Variants in IMMP1L observed in about 807,000 individuals in gnomAD.
IMMP1L encodes the protein mitochondrial inner membrane protease subunit 1.
A neutral mutation model predicts 21.8 loss-of-function variants in IMMP1L; 24 were observed. That is an observed-to-expected ratio of 1.10 (90% confidence interval 0.80 to 1.55). The LOEUF (loss-of-function observed/expected upper bound fraction) is 1.55, where lower values mean the gene tolerates loss of function less well. Ranked by LOEUF, IMMP1L falls within the 40% of genes most tolerant of loss-of-function variation. The pLI is 0.00. For synonymous variants in IMMP1L, 46 were observed against 62.8 expected, an observed-to-expected ratio of 0.73 and a Z score of 1.26; for missense variants, 195 against 200.7, an observed-to-expected ratio of 0.97 and a Z score of 0.17.
Position 31,432,445 on chromosome 11 carries a change from G to A in IMMP1L, c.*55C>T, listed in dbSNP as rs1193813727. ...TGGTAAGTACACGGTTTCAACGGGA[G>A]TAATAAATTCACATGAAAAGGAGAC... On this transcript the variant is annotated 3_prime_UTR_variant, in exon 6 of 6. Coordinates refer to ENST00000532287, the MANE Select transcript of IMMP1L (RefSeq NM_001304274.2). The A allele has an allele frequency of 2.5e-6, 3 of 1,210,712 alleles. No homozygotes were observed. The highest frequency in any genetic ancestry group is 3.0e-5 in the African/African-American group (2 of 66,904). The allele number at this position is 1,210,712 out of a possible 1,614,324, so 75.0% of individuals were successfully genotyped here.
At chr11:31,482,008 C>T (rs1011763344) in intron 1 of IMMP1L, among the ~76,000 whole-genome samples, 1 of 151,988 alleles carries the variant, frequency 6.6e-6, no homozygotes, top group African/African-American at 2.4e-5. Flanking sequence ...TCCCTTAATA[C>T]TCTAGTAGAC....
chr11:31,486,289 C>A (rs1324268694), intron 1 of IMMP1L, among the ~76,000 whole-genome samples: 1 of 151,756 alleles, frequency 6.6e-6, no homozygotes, highest in Non-Finnish European at 1.5e-5. Flanking sequence ...TGCTAAATGG[C>A]CTTGTTCAAG....
chr11:31,490,640 A>T (rs1224161394), intron 1 of IMMP1L, among the ~76,000 whole-genome samples: 1 of 152,156 alleles, frequency 6.6e-6, no homozygotes, highest in African/African-American at 2.4e-5. Context: ...GAAATTTTTT[A>T]AAATTTGTAT....
At chr11:31,456,477 A>G in intron 3 of IMMP1L, 91 bp from the exon 4 acceptor site, 1 of 1,000,634 alleles carries the variant, frequency 1.0e-6, no homozygotes, top group South Asian at 1.6e-5. Flanking sequence ...AAGACAACTT[A>G]AACAAAGCCA....
At chr11:31,486,582 G>T (rs1247651779) in intron 1 of IMMP1L, among the ~76,000 whole-genome samples, 2 of 151,788 alleles carry the variant, frequency 1.3e-5, no homozygotes, top group Non-Finnish European at 3.0e-5. Flanking sequence ...TTACTGTCAG[G>T]ATATAAACAA....
In IMMP1L at chr11:31,509,522, G is replaced by A. The variant is rs942698306; in HGVS notation, c.-33C>T. On this transcript the variant is annotated 5_prime_UTR_variant, in exon 1 of 6. Coordinates refer to ENST00000532287, the MANE Select transcript of IMMP1L (RefSeq NM_001304274.2). Reference sequence around the variant, plus strand: ...AACGTTACGTGATATTACCTACCTCGGGCCCCAAAGAACCCTGGAGACCCT... The same window carrying A: ...AACGTTACGTGATATTACCTACCTCAGGCCCCAAAGAACCCTGGAGACCCT... 6 of 536,020 alleles carry A rather than the reference G, an allele frequency of 1.1e-5. No homozygotes were observed. In the Admixed American group the frequency reaches 1.9e-4, roughly 17 times the overall value. 33.2% of individuals were successfully genotyped at this position (536,020 alleles called of 1,614,324 possible). A position where few individuals can be genotyped will look rare whatever the true frequency, so the allele number is the denominator to read the frequency against.
At chr11:31,463,028 T>C in intron 2 of IMMP1L, 144 bp downstream of exon 2, 3 of 627,940 alleles carry the variant, frequency 4.8e-6, no homozygotes, top group Non-Finnish European at 8.0e-6. Context: ...ATTATTCCAA[T>C]ATTTAGAAAG....
rs546938295 is a variant in IMMP1L, at chr11:31,437,250, T to A, written c.322-3680A>T. ...AGGGGAAGAGACCCAAGTCTAAACA[T>A]GAAATTCATTTATGTTTCATATACA... is the stretch of plus-strand genomic sequence containing the variant. On this transcript the variant is annotated intron_variant, in intron 4 of 5. Transcript: ENST00000532287. 1.4e-4 allele frequency: 50 copies of A among 367,184 alleles called. 1 individual carries two copies. The highest frequency in any genetic ancestry group is 9.7e-4 in the South Asian group (46 of 47,474). The allele number at this position is 367,184 out of a possible 1,614,324, so 22.7% of individuals were successfully genotyped here.
intron 1 of IMMP1L, among the ~76,000 whole-genome samples, chr11:31,496,610 GAT>G (rs1025244805): frequency 1.3e-5 from 2 of 150,052 alleles, no homozygotes; most frequent in African/African-American, 2.5e-5. Flanking sequence ...AACAAACTGT[GAT>G]ATATGTGTGT....
intron 4 of IMMP1L, chr11:31,437,262 A>G: frequency 1.4e-5 from 5 of 355,878 alleles, no homozygotes; most frequent in South Asian, 1.1e-4. Flanking sequence ...AAATTCATTT[A>G]TGTTTCATAT....
intron 4 of IMMP1L, among the ~76,000 whole-genome samples, chr11:31,454,558 C>A (rs1237163625): frequency 1.3e-5 from 2 of 149,598 alleles, no homozygotes; most frequent in Non-Finnish European, 3.0e-5. Context: ...ATCCTAATTT[C>A]ATTTTTATAC....
At position 31,507,839 on chromosome 11, in the gene IMMP1L, C is replaced by T. The variant is rs555069735; in HGVS notation, c.-30+1680G>A. 4.6e-5 allele frequency among the ~76,000 whole-genome samples: 7 copies of T among 151,564 alleles called. No individual in the cohort carries two copies. The South Asian group carries it at 1.5e-3, about 32-fold the overall frequency. ...ACAGTGTAGATGTTATGTACTCTTA[C>T]CACAAAAATGATAACTATGTGAGGT... is the stretch of plus-strand genomic sequence containing the variant. On this transcript the variant is annotated intron_variant, in intron 1 of 5. Transcript: ENST00000532287.
At chr11:31,489,156 C>T (rs1592027051) in intron 1 of IMMP1L, among the ~76,000 whole-genome samples, 2 of 152,224 alleles carry the variant, frequency 1.3e-5, no homozygotes, top group East Asian at 3.9e-4. Context: ...CTCAGCCTCC[C>T]AAAGTGCTGG....
chr11:31,499,000 T>C (rs761770676), intron 1 of IMMP1L, among the ~76,000 whole-genome samples: 4 of 152,220 alleles, frequency 2.6e-5, no homozygotes, highest in Non-Finnish European at 5.9e-5. Context: ...ATGTGTCTTT[T>C]GATTCAAATA....
intron 1 of IMMP1L, among the ~76,000 whole-genome samples, chr11:31,506,261 T>C (rs931627198): frequency 0.014 from 23 of 1,638 alleles, no homozygotes; most frequent in Non-Finnish European, 0.018. Flanking sequence ...ACAGTCTCGC[T>C]GTGTCGCCCA....
At chr11:31,508,892 C>A (rs186180013) in intron 1 of IMMP1L, among the ~76,000 whole-genome samples, 149 of 152,284 alleles carry the variant, frequency 9.8e-4, no homozygotes, top group African/African-American at 3.1e-3. Context: ...AATAAACTCT[C>A]GATTCAGGGT....
chr11:31,452,253 C>A (rs1460093303), intron 4 of IMMP1L: 2 of 984,556 alleles, frequency 2.0e-6, no homozygotes, highest in African/African-American at 3.5e-5. Flanking sequence ...TTTCAAAATG[C>A]CTATTTCATA....
intron 1 of IMMP1L, chr11:31,473,826 A>T (rs1159992324): frequency 9.9e-6 from 7 of 703,622 alleles, no homozygotes; most frequent in African/African-American, 5.9e-5. Context: ...AAACAGGAAA[A>T]ATATATATAT....
intron 2 of IMMP1L, 115 bp downstream of exon 2, chr11:31,463,057 C>T: frequency 1.4e-6 from 1 of 737,092 alleles, no homozygotes; most frequent in Non-Finnish European, 2.1e-6. Flanking sequence ...TTTTAACTTT[C>T]ACAGTTTAGT....
Sources: allele counts gnomAD v4.1 joint callset (sites outside exome capture counted in the v4.1 genomes callset), GRCh38; gene constraint gnomAD v4.1.1; transcripts MANE v1.5; gene names NCBI Gene and HGNC (gene_info 2026-07-23, HGNC 2026-07-21).